The following CFAP57 variants were observed in gnomAD, a reference collection of about 807,000 sequenced individuals.
CFAP57 encodes cilia and flagella associated protein 57.
In CFAP57, 116 loss-of-function variants were observed where a neutral mutation model predicts 146.8. The ratio of observed to expected loss-of-function variants is 0.79; its 90% confidence interval spans 0.68 to 0.92. The LOEUF (loss-of-function observed/expected upper bound fraction) is 0.92. Among genes scored for constraint, CFAP57 ranks in the 40% least tolerant of loss-of-function variants. CFAP57 has a pLI of 0.00. For synonymous variants in CFAP57, 518 were observed against 552.8 expected (o/e 0.94, Z 0.88); for missense variants, 1,377 against 1,527.2 (o/e 0.90, Z 1.64).
rs140613029 is a variant in CFAP57, at chr1:43,176,646, A to C, written c.157+3736A>C. 4.1e-3 allele frequency among the ~76,000 whole-genome samples: 625 copies of C among 152,332 alleles called. 3 individuals are homozygous for C. Among genetic ancestry groups the C allele is most frequent in the African/African-American group, 0.014 (597 of 41,574 alleles). On this transcript the variant is annotated intron_variant, in intron 2 of 22. Transcript: ENST00000372492. ...TATGCACATAAAATGCTGTCCTCAC[A>C]GTGCTTCCATTCTAAGAGGGGAGAG...
rs879410528 is a variant in CFAP57, at chr1:43,185,341, G to A, written c.954G>A (p.Glu318=). The part of the protein sequence containing the change: ...EKMEEKDFYR[E]SREIRIPVDP... The stretch of plus-strand genomic sequence containing the variant: ...TGGAAGAAAAGGATTTTTACCGTGA[G>A]AGCAGAGAAATCAGGGTAAGGCGGG... Residue 318 remains glutamate, a synonymous_variant, in exon 5 of 23, where the codon GAG becomes GAA. Transcript: ENST00000372492. The A allele has an allele frequency of 6.8e-6, 11 of 1,613,912 alleles. No individual in the cohort carries two copies. The highest frequency in any genetic ancestry group is 1.1e-5 in the South Asian group (1 of 91,054).
intron 2 of CFAP57, among the ~76,000 whole-genome samples, chr1:43,174,771 G>A (rs531975310): frequency 1.1e-4 from 16 of 152,254 alleles, no homozygotes; most frequent in East Asian, 9.7e-4. Flanking sequence ...AGCCAAGATC[G>A]CACCACTGCA....
chr1:43,178,361 A>G (rs1222672606), intron 2 of CFAP57, among the ~76,000 whole-genome samples: 11 of 152,108 alleles, frequency 7.2e-5, no homozygotes, highest in Non-Finnish European at 1.6e-4. Context: ...AACCTACAGA[A>G]TGGGAGAAAA....
At chr1:43,226,918 C>T in intron 17 of CFAP57, 65 bp from the exon 18 acceptor site, 10 of 1,422,456 alleles carry the variant, frequency 7.0e-6, no homozygotes, top group South Asian at 3.3e-5. Flanking sequence ...GCTCTTTTGC[C>T]CTAAAGGGCT....
intron 21 of CFAP57, among the ~76,000 whole-genome samples, chr1:43,241,769 G>A: frequency 6.6e-6 from 1 of 152,122 alleles, no homozygotes. Flanking sequence ...AGTCAGAGGG[G>A]CATCTAACAA....
At chr1:43,233,431 G>A (rs931532157) in intron 19 of CFAP57, among the ~76,000 whole-genome samples, 2 of 151,926 alleles carry the variant, frequency 1.3e-5, no homozygotes, top group South Asian at 2.1e-4. Context: ...GGAGGTTGCC[G>A]TGAGCCAAGA....
At chr1:43,239,182 G>C (rs970925265) in intron 21 of CFAP57, among the ~76,000 whole-genome samples, 1 of 152,066 alleles carries the variant, frequency 6.6e-6, no homozygotes, top group Non-Finnish European at 1.5e-5. Context: ...ACAGTGACCA[G>C]TATAAGCTTT....
In CFAP57 at chr1:43,254,060, C is replaced by T. The variant is rs1056388001; in HGVS notation, c.3622C>T (p.Arg1208Cys). Residue 1208 changes from arginine to cysteine, a missense_variant, in exon 23 of 23, where the codon CGC becomes TGC. Transcript: ENST00000372492. ...EETGRIIEMQ[R>C]LEIQRLRDQI... ...AACTGGGAGGATCATTGAAATGCAG[C>T]GCCTAGAAATCCAGCGCCTCAGAGA... 112 of 1,550,550 alleles carry T rather than the reference C, an allele frequency of 7.2e-5. No homozygotes were observed. Among genetic ancestry groups the T allele is most frequent in the Non-Finnish European group, 9.1e-5 (104 of 1,146,998 alleles).
Position 43,201,304 on chromosome 1 carries a change from G to A in CFAP57, c.1542+1801G>A, listed in dbSNP as rs1644112307. ...AAGATACAAAGAGAACTTGGAATCAGATAATTATCTCAAAGAAGCCAAGGA... is the reference window on the plus strand; with the variant it reads ...AAGATACAAAGAGAACTTGGAATCAAATAATTATCTCAAAGAAGCCAAGGA... On this transcript the variant is annotated intron_variant, in intron 9 of 22. Coordinates refer to ENST00000372492, the MANE Select transcript of CFAP57 (RefSeq NM_001378189.1). This position sits in a 1 kb window ranked among gnomAD's most constrained non-coding sequence, Gnocchi z 4.4. Among the ~76,000 whole-genome samples the A allele has an allele frequency of 6.6e-6, 1 of 152,194 alleles. No individual in the cohort carries two copies.
intron 7 of CFAP57, among the ~76,000 whole-genome samples, chr1:43,198,280 A>G (rs1643951754): frequency 6.6e-6 from 1 of 152,168 alleles, no homozygotes; most frequent in African/African-American, 2.4e-5. Flanking sequence ...GCTAGACCAC[A>G]CCTTGACCAG....
rs371934155 is a variant in CFAP57 at position 43,199,446 on chromosome 1, C to T, written c.1485C>T (p.His495=). Residue 495 remains histidine, a synonymous_variant, in exon 9 of 23, where the codon CAC becomes CAT. Transcript: ENST00000372492. ...CTGCAGTCAATGGAAATGTGATTCACGTTTACACCACCACGAGCCTAGAGA... is the reference window on the plus strand; with the variant it reads ...CTGCAGTCAATGGAAATGTGATTCATGTTTACACCACCACGAGCCTAGAGA... The part of the protein sequence containing the change: ...LFAAVNGNVI[H]VYTTTSLENI... The T allele has an allele frequency of 3.0e-5, 49 of 1,614,006 alleles. No individual in the cohort carries two copies. The Admixed American group carries it at 6.8e-4, about 23-fold the overall frequency.
rs373943745 is a variant in CFAP57, at chr1:43,231,718, A to AAAAAAAAAAAAAG, written c.3010-790_3010-789insAAAAAAAAAAAAG. ...AAAATACAAAAAAAAAAAAAAAAAA[A>AAAAAAAAAAAAAG]TTAGTTGGGCATGGTGGCAATTGCC... On this transcript the variant is annotated intron_variant, in intron 18 of 22. Coordinates refer to ENST00000372492, the MANE Select transcript of CFAP57 (RefSeq NM_001378189.1). Among the ~76,000 whole-genome samples, 3 of 144,268 alleles carry AAAAAAAAAAAAAG rather than the reference A, an allele frequency of 2.1e-5. 1 individual carries two copies. The highest frequency in any genetic ancestry group is 1.5e-5 in the Non-Finnish European group (1 of 66,112). 94.6% of individuals were successfully genotyped at this position (144,268 alleles called of 152,430 possible). A position where few individuals can be genotyped will look rare whatever the true frequency, so the allele number is the denominator to read the frequency against.
rs1257158414 is a variant in CFAP57, at chr1:43,172,730, A to C, written c.-19-5A>C. On this transcript the variant is annotated splice_polypyrimidine_tract_variant and splice_region_variant and intron_variant, in intron 1 of 22. Coordinates refer to ENST00000372492, the MANE Select transcript of CFAP57 (RefSeq NM_001378189.1). ...ACTCTGAAGCGCTGCCTTGGTCTTC[A>C]GCAGAACTGTTTGGCGGGAGATCAT... 1 of 1,613,702 alleles carries C rather than the reference A, an allele frequency of 6.2e-7. No individual in the cohort carries two copies. The highest frequency in any genetic ancestry group is 8.5e-7 in the Non-Finnish European group (1 of 1,179,974).
intron 18 of CFAP57, among the ~76,000 whole-genome samples, chr1:43,231,734 G>A (rs907839066): frequency 1.3e-5 from 2 of 151,658 alleles, no homozygotes; most frequent in Non-Finnish European, 2.9e-5. Flanking sequence ...TGGGCATGGT[G>A]GCAATTGCCT....
At position 43,234,537 on chromosome 1, in the gene CFAP57, A is replaced by C. The variant is rs1645610216; in HGVS notation, c.3304A>C (p.Thr1102Pro). 2 of 1,550,198 alleles carry C rather than the reference A, an allele frequency of 1.3e-6. No individual in the cohort carries two copies. The highest frequency in any genetic ancestry group is 1.4e-5 in the African/African-American group (1 of 72,996). ...GAACACAGACCTGCAGCAGGAGTACACCCGGCAGCGGGAGCACCTGGAGAG... is the reference window on the plus strand; with the variant it reads ...GAACACAGACCTGCAGCAGGAGTACCCCCGGCAGCGGGAGCACCTGGAGAG... ...GLNTDLQQEY[T>P]RQREHLERNL... The change falls in exon 21 of 23, where the codon ACC (threonine) becomes CCC (proline). Residue 1102 changes from threonine to proline, a missense_variant. Thr to Pro is a conservative substitution (Grantham distance 38). Coordinates refer to ENST00000372492, the MANE Select transcript of CFAP57 (RefSeq NM_001378189.1).
At chr1:43,212,740 C>T (rs768670561) in intron 11 of CFAP57, among the ~76,000 whole-genome samples, 1 of 152,002 alleles carries the variant, frequency 6.6e-6, no homozygotes, top group African/African-American at 2.4e-5. Flanking sequence ...TGAGACCAGC[C>T]TGGCCAACAT....
intron 22 of CFAP57, among the ~76,000 whole-genome samples, chr1:43,244,739 C>G (rs1191073400): frequency 6.6e-6 from 1 of 151,862 alleles, no homozygotes; most frequent in Non-Finnish European, 1.5e-5. Flanking sequence ...CCCGTCTCTA[C>G]TAAAAATACA....
At position 43,237,915 on chromosome 1, in the gene CFAP57, G is replaced by A. The variant is rs146343674; in HGVS notation, c.3405+3277G>A. Among the ~76,000 whole-genome samples, 393 of 152,310 alleles carry A rather than the reference G, an allele frequency of 2.6e-3. 2 individuals carry two copies. The highest frequency in any genetic ancestry group is 0.014 in the South Asian group (69 of 4,830). On this transcript the variant is annotated intron_variant, in intron 21 of 22. Transcript: ENST00000372492. ...AAAGACAAAACACTCCATTGGCAAG[G>A]TGGGAAGACTGGTGGGGAAAGAGGC...
intron 10 of CFAP57, among the ~76,000 whole-genome samples, chr1:43,207,728 C>T (rs1480563874): frequency 6.6e-6 from 1 of 152,220 alleles, no homozygotes; most frequent in Non-Finnish European, 1.5e-5. Flanking sequence ...AGCAAGGATG[C>T]ATCATACAAA....
Sources: allele counts gnomAD v4.1 joint callset (sites outside exome capture counted in the v4.1 genomes callset), GRCh38; gene constraint gnomAD v4.1.1; non-coding constraint Gnocchi (gnomAD v3.1); transcripts MANE v1.5; gene names NCBI Gene and HGNC (gene_info 2026-07-23, HGNC 2026-07-21).